Variants in GPM6A observed in about 807,000 individuals in gnomAD.
GPM6A encodes the protein neuronal membrane glycoprotein M6-a.
In GPM6A, 7 loss-of-function variants were observed where a neutral mutation model predicts 32.1. That is an observed-to-expected ratio of 0.22 (90% CI 0.12 to 0.41). The LOEUF (loss-of-function observed/expected upper bound fraction) is 0.41, where lower values mean the gene tolerates loss of function less well. Ranked by LOEUF, GPM6A falls within the 10% of genes least tolerant of loss-of-function variation. GPM6A has a pLI of 1.00. For synonymous variants in GPM6A, 130 were observed against 123.4 expected, an observed-to-expected ratio of 1.05 and a Z score of -0.35; for missense variants, 235 against 347.2, an observed-to-expected ratio of 0.68 and a Z score of 2.57.
At chr4:175,958,184 T>C (rs1022014664) in intron 1 of GPM6A, among the ~76,000 whole-genome samples, 1 of 152,248 alleles carries the variant, frequency 6.6e-6, no homozygotes, top group Non-Finnish European at 1.5e-5. Flanking sequence ...TGAGCCACCA[T>C]GCCCAGCCTG....
At chr4:175,979,142 ATGTAAAGAC>A (rs1740749075) in intron 1 of GPM6A, among the ~76,000 whole-genome samples, 1 of 152,196 alleles carries the variant, frequency 6.6e-6, no homozygotes, top group Non-Finnish European at 1.5e-5. Context: ...TGCCACAACA[ATGTAAAGAC>A]TGACTACAGT....
intron 1 of GPM6A, among the ~76,000 whole-genome samples, chr4:175,713,765 C>T (rs541965751): frequency 2.0e-5 from 3 of 152,236 alleles, no homozygotes; most frequent in South Asian, 4.1e-4. Context: ...GGAAAAAATT[C>T]GCAGCGTTCA....
intron 1 of GPM6A, among the ~76,000 whole-genome samples, chr4:175,872,945 G>C (rs1422855586): frequency 6.6e-6 from 1 of 151,946 alleles, no homozygotes; most frequent in Non-Finnish European, 1.5e-5. Context: ...CTTCATAAAG[G>C]GATCAAAAGA....
At chr4:175,809,886 A>G (rs1305546326) in intron 1 of GPM6A, among the ~76,000 whole-genome samples, 1 of 152,248 alleles carries the variant, frequency 6.6e-6, no homozygotes, top group African/African-American at 2.4e-5. Context: ...TTGCAAGGTC[A>G]TATGAGTAAA....
At chr4:175,689,862 G>GGTGA (rs1195018640) in intron 2 of GPM6A, among the ~76,000 whole-genome samples, 1 of 152,176 alleles carries the variant, frequency 6.6e-6, no homozygotes, top group Non-Finnish European at 1.5e-5. Flanking sequence ...CTTAGAATGA[G>GGTGA]GTGAGACAGA....
intron 3 of GPM6A, among the ~76,000 whole-genome samples, chr4:175,667,527 A>ATATTT (rs1306055425): frequency 5.9e-5 from 9 of 152,176 alleles, no homozygotes; most frequent in African/African-American, 2.2e-4. Flanking sequence ...CATTTTACAA[A>ATATTT]AACTAAGGAA....
At chr4:175,766,779 C>T (rs556888498) in intron 1 of GPM6A, among the ~76,000 whole-genome samples, 7 of 151,728 alleles carry the variant, frequency 4.6e-5, no homozygotes, top group Non-Finnish European at 7.4e-5. Flanking sequence ...CTCATCCTCC[C>T]GAGTAGCTGG....
intron 1 of GPM6A, among the ~76,000 whole-genome samples, chr4:175,911,126 CA>C (rs1344278458): frequency 6.6e-6 from 1 of 152,132 alleles, no homozygotes; most frequent in African/African-American, 2.4e-5. Context: ...TTAGATTTCT[CA>C]GGTGTCTTAG....
rs1740969077 is a variant in GPM6A, at chr4:175,986,172, G to A, written c.-23+16137C>T. Reference sequence around the variant, plus strand: ...ATATGGTTTTTTTCCTTCAAACATTGAAAATGAAATTTCAGCTCTTTAACC... The same window carrying A: ...ATATGGTTTTTTTCCTTCAAACATTAAAAATGAAATTTCAGCTCTTTAACC... On this transcript the variant is annotated intron_variant, in intron 1 of 7. Coordinates refer to the GPM6A transcript ENST00000280187. Among the ~76,000 whole-genome samples, 3 of 152,090 alleles carry A rather than the reference G, an allele frequency of 2.0e-5. No homozygotes were observed. In the South Asian group the frequency reaches 6.2e-4, roughly 32 times the overall value.
In GPM6A at chr4:175,636,698, A is replaced by C. The variant is rs539507247; in HGVS notation, c.685-1641T>G. Reference sequence around the variant, plus strand: ...GTAATCCCAGCTACTCGGGAGGATGAGGCAGGAGAATGGATTGAACCTGGG... The same window carrying C: ...GTAATCCCAGCTACTCGGGAGGATGCGGCAGGAGAATGGATTGAACCTGGG... On this transcript the variant is annotated intron_variant, in intron 6 of 6. Coordinates refer to ENST00000393658, the MANE Select transcript of GPM6A (RefSeq NM_201591.3). Among the ~76,000 whole-genome samples, 22 of 151,052 alleles carry C rather than the reference A, an allele frequency of 1.5e-4. No homozygotes were observed. The East Asian group carries it at 4.3e-3, about 29-fold the overall frequency.
At chr4:175,851,546 A>T (rs779083497) in intron 1 of GPM6A, among the ~76,000 whole-genome samples, 2 of 152,064 alleles carry the variant, frequency 1.3e-5, no homozygotes, top group Non-Finnish European at 2.9e-5. Flanking sequence ...TTAATGTTCA[A>T]TGAGAGGGAA....
At chr4:175,966,899 C>A (rs1046175289) in intron 1 of GPM6A, among the ~76,000 whole-genome samples, 3 of 151,978 alleles carry the variant, frequency 2.0e-5, no homozygotes, top group African/African-American at 7.2e-5. Context: ...AGAAAGAAAC[C>A]AATTCTTTAA....
intron 1 of GPM6A, among the ~76,000 whole-genome samples, chr4:175,714,293 A>G (rs891185963): frequency 1.3e-5 from 2 of 152,254 alleles, no homozygotes; most frequent in African/African-American, 4.8e-5. Context: ...GAATGATTAA[A>G]CAACATATAC....
At chr4:175,863,905 G>A (rs1157344139) in intron 1 of GPM6A, among the ~76,000 whole-genome samples, 1 of 152,128 alleles carries the variant, frequency 6.6e-6, no homozygotes, top group Non-Finnish European at 1.5e-5. Context: ...GGAGGCTGAG[G>A]CGGGAGGATC....
intron 1 of GPM6A, among the ~76,000 whole-genome samples, chr4:175,960,086 C>T (rs1204994409): frequency 6.6e-6 from 1 of 152,128 alleles, no homozygotes; most frequent in Admixed American, 6.6e-5. Flanking sequence ...TTGAATAGGA[C>T]CAAATCATAG....
chr4:175,749,812 A>G (rs1445274916), intron 1 of GPM6A, among the ~76,000 whole-genome samples: 1 of 152,132 alleles, frequency 6.6e-6, no homozygotes, highest in Non-Finnish European at 1.5e-5. Flanking sequence ...TCTGAGAACT[A>G]TTTTATGACA....
At chr4:175,817,013 C>T (rs902554845), upstream of GPM6A, among the ~76,000 whole-genome samples, 1 of 152,128 alleles carries the variant, frequency 6.6e-6, no homozygotes, top group African/African-American at 2.4e-5. Flanking sequence ...CCCGCCACCA[C>T]GCCCGGCTAA....
intron 1 of GPM6A, among the ~76,000 whole-genome samples, chr4:175,987,767 T>C (rs1741023358): frequency 6.6e-6 from 1 of 152,166 alleles, no homozygotes; most frequent in African/African-American, 2.4e-5. Context: ...AAAATTGCCA[T>C]GAAACTGTCA....
At chr4:175,654,898 T>C (rs1267590782) in intron 3 of GPM6A, among the ~76,000 whole-genome samples, 1 of 152,166 alleles carries the variant, frequency 6.6e-6, no homozygotes, top group African/African-American at 2.4e-5. Context: ...AGCATCCTTT[T>C]GGTTGCATCC....
Sources: gnomAD v4.1 joint callset for allele counts (sites outside exome capture counted in the v4.1 genomes callset) on GRCh38, gnomAD v4.1.1 for gene constraint, MANE v1.5 for transcripts, NCBI Gene and HGNC (gene_info 2026-07-23, HGNC 2026-07-21) for gene names.